FANCI: variants seen among roughly 807,000 people sequenced by gnomAD.
The protein encoded by FANCI is FA complementation group I.
A neutral mutation model predicts 176.1 loss-of-function variants in FANCI; 156 were observed. The observed-to-expected ratio is 0.89, with a 90% CI of 0.78 to 1.01. The LOEUF (loss-of-function observed/expected upper bound fraction) is 1.01. Among genes scored for constraint, FANCI ranks in the 50% least tolerant of loss-of-function variants. The pLI, the probability that FANCI is intolerant of heterozygous loss-of-function variation, is 0.00. For synonymous variants in FANCI, 613 were observed against 541.7 expected (o/e 1.13, Z -1.83); for missense variants, 1,678 against 1,534.1 (o/e 1.09, Z -1.57).
In FANCI at chr15:89,263,426, C is replaced by A; in HGVS notation, c.511C>A (p.Gln171Lys). Residue 171 changes from glutamine (Q) to lysine (K), a missense_variant, in exon 7 of 38, where the codon CAG becomes AAG. Around this residue, in one of 3 missense-constraint regions of FANCI, gnomAD observed 469 missense variants for 436.9 expected, o/e 1.07. Coordinates refer to ENST00000310775, the MANE Select transcript of FANCI (RefSeq NM_001113378.2). ...GTCATTTTCTTCTACCAGGTGGGAT[C>A]AGCAATATGTAATCCAACTCACCTC... Reference protein sequence around the residue: ...INTLCSGRWDQQYVIQLTSMF... With the variant: ...INTLCSGRWDKQYVIQLTSMF... 6.2e-7 allele frequency: 1 copy of A among 1,612,390 alleles called. No individual in the cohort carries two copies. Among genetic ancestry groups the A allele is most frequent in the Non-Finnish European group, 8.5e-7 (1 of 1,178,656 alleles).
chr15:89,274,909 C>G (rs1166350016), intron 12 of FANCI, among the ~76,000 whole-genome samples: 5 of 151,604 alleles, frequency 3.3e-5, no homozygotes, highest in African/African-American at 9.7e-5. Flanking sequence ...CTGGCCGTTT[C>G]TTTTCCTTTT....
intron 18 of FANCI, among the ~76,000 whole-genome samples, chr15:89,287,597 G>A (rs114710152): frequency 2.1e-4 from 32 of 152,326 alleles, no homozygotes; most frequent in African/African-American, 7.7e-4. Flanking sequence ...GGTGCAAGAA[G>A]CCTAGCTTTT....
intron 34 of FANCI, among the ~76,000 whole-genome samples, chr15:89,311,995 C>G (rs1238767946): frequency 2.0e-5 from 3 of 152,182 alleles, no homozygotes; most frequent in Non-Finnish European, 4.4e-5. Flanking sequence ...TTATTCATCC[C>G]TCTCCAGGAG....
intron 34 of FANCI, among the ~76,000 whole-genome samples, chr15:89,310,968 C>CA (rs776080452): frequency 6.6e-6 from 1 of 151,860 alleles, no homozygotes; most frequent in Non-Finnish European, 1.5e-5. Flanking sequence ...ACTAAAGATA[C>CA]AAAAAATAGC....
Position 89,281,150 on chromosome 15 carries a change from T to G in FANCI, c.1382-20T>G, listed in dbSNP as rs925302357. ...ATCTTTAGTTATTTGAGACAACTGA[T>G]TATAGATTCTGTTTTTCAGACCTGC... On this transcript the variant is annotated intron_variant, in intron 14 of 37. Transcript: ENST00000310775. The G allele has an allele frequency of 1.9e-6, 3 of 1,611,836 alleles. No individual in the cohort carries two copies. The South Asian group carries it at 3.3e-5, about 18-fold the overall frequency.
At chr15:89,275,228 A>G (rs953756490) in intron 12 of FANCI, among the ~76,000 whole-genome samples, 1 of 151,148 alleles carries the variant, frequency 6.6e-6, no homozygotes. Context: ...ACTGCATCTG[A>G]CTCATGGCCT....
Position 89,305,116 on chromosome 15 carries a change from G to T in FANCI, c.3060G>T (p.Glu1020Asp). 6.2e-7 allele frequency: 1 copy of T among 1,614,126 alleles called. No homozygotes were observed. Among genetic ancestry groups the T allele is most frequent in the Non-Finnish European group, 8.5e-7 (1 of 1,180,018 alleles). ...ATTTGCTTTTCTTCCTATTCCTAGAGGATGCCTTGTTTTGCAAGAGCTTGA... is the reference window on the plus strand; with the variant it reads ...ATTTGCTTTTCTTCCTATTCCTAGATGATGCCTTGTTTTGCAAGAGCTTGA... ...TSKICKENSR[E>D]DALFCKSLMN... Residue 1020 changes from glutamate (E) to aspartate (D), a missense_variant and splice_region_variant, in exon 29 of 38, where the codon GAG (glutamate) becomes GAT (aspartate). By Grantham distance (45) the Glu-to-Asp change is conservative. Transcript: ENST00000310775.
At chr15:89,258,292 T>C (rs2052580621) in intron 2 of FANCI, among the ~76,000 whole-genome samples, 1 of 152,198 alleles carries the variant, frequency 6.6e-6, no homozygotes, top group African/African-American at 2.4e-5. Flanking sequence ...TCACTTATTG[T>C]CTATCTCAGC....
At chr15:89,288,635 T>TA (rs1555447175) in intron 18 of FANCI, among the ~76,000 whole-genome samples, 2 of 151,136 alleles carry the variant, frequency 1.3e-5, no homozygotes, top group East Asian at 1.9e-4. Context: ...TTTTTTTTTT[T>TA]AAGAGACAGA....
In FANCI at chr15:89,305,707, A is replaced by G; in HGVS notation, c.3349+9A>G. On this transcript the variant is annotated intron_variant, in intron 31 of 37. Transcript: ENST00000310775. ...CCAAGAAACCTTATCAGGTAAGATA[A>G]GTTCAACTGGGATTCCAGGAATTGA... 1 of 1,613,268 alleles carries G rather than the reference A, an allele frequency of 6.2e-7. No individual in the cohort carries two copies. Among genetic ancestry groups the G allele is most frequent in the Non-Finnish European group, 8.5e-7 (1 of 1,179,146 alleles).
intron 27 of FANCI, among the ~76,000 whole-genome samples, chr15:89,302,775 G>A (rs1233253704): frequency 2.6e-5 from 4 of 152,028 alleles, no homozygotes; most frequent in Non-Finnish European, 5.9e-5. Context: ...GGGTTTCACC[G>A]TGTTAGCCAG....
intron 10 of FANCI, among the ~76,000 whole-genome samples, chr15:89,270,039 G>A (rs2053139183): frequency 6.6e-6 from 1 of 152,076 alleles, no homozygotes; most frequent in African/African-American, 2.4e-5. Flanking sequence ...TTCAACTCCT[G>A]GCCTCAAGTG....
At chr15:89,292,607 A>G (rs1319704459) in intron 20 of FANCI, 81 bp from the exon 21 acceptor site, 3 of 1,364,864 alleles carry the variant, frequency 2.2e-6, no homozygotes, top group Non-Finnish European at 2.1e-6. Context: ...TATAGATAAG[A>G]ATTATTTGCT....
chr15:89,257,738 T>C (rs189742182), intron 2 of FANCI, among the ~76,000 whole-genome samples: 1 of 152,268 alleles, frequency 6.6e-6, no homozygotes, highest in Non-Finnish European at 1.5e-5. Context: ...TTTGGGGTTG[T>C]GGGGAGGACA....
At position 89,274,155 on chromosome 15, in the gene FANCI, A is replaced by C. The variant is rs145864790; in HGVS notation, c.976-13A>C. ...ATTTATTTTTTCATTTATTTTTATT[A>C]ACTATACTCAAGGTGCTTGATCTTT... On this transcript the variant is annotated splice_polypyrimidine_tract_variant and intron_variant, in intron 11 of 37. Transcript: ENST00000310775. 3.9e-6 allele frequency: 6 copies of C among 1,525,982 alleles called. No homozygotes were observed. Among genetic ancestry groups the C allele is most frequent in the Non-Finnish European group, 4.4e-6 (5 of 1,128,940 alleles). 94.5% of individuals were successfully genotyped at this position (1,525,982 alleles called of 1,614,324 possible).
intron 14 of FANCI, among the ~76,000 whole-genome samples, chr15:89,279,823 C>T (rs1278192577): frequency 6.6e-6 from 1 of 152,070 alleles, no homozygotes; most frequent in Admixed American, 6.5e-5. Flanking sequence ...CCTCCTCCTC[C>T]CAACCTCACA....
chr15:89,278,256 C>A (rs775416542), intron 13 of FANCI, among the ~76,000 whole-genome samples: 1 of 152,192 alleles, frequency 6.6e-6, no homozygotes, highest in African/African-American at 2.4e-5. Flanking sequence ...TTAACAGCAA[C>A]TGCTGTGCTT....
intron 16 of FANCI, chr15:89,282,875 C>G (rs2053668778): frequency 4.4e-6 from 2 of 458,650 alleles, no homozygotes; most frequent in Admixed American, 3.4e-5. Context: ...CTTCTTATTC[C>G]TCACATAGAC....
In FANCI at chr15:89,317,000, G is replaced by A; in HGVS notation, c.*541G>A. On this transcript the variant is annotated 3_prime_UTR_variant, in exon 38 of 38. Coordinates refer to ENST00000310775, the MANE Select transcript of FANCI (RefSeq NM_001113378.2). ...GGGTCTGTTTTCTTTTTATATAAGT[G>A]TGTCTTAGATATATTTTAAATAGAA... The A allele has an allele frequency of 1.5e-6, 1 of 645,748 alleles. No individual in the cohort carries two copies. The highest frequency in any genetic ancestry group is 2.8e-6 in the Non-Finnish European group (1 of 360,786). The allele number at this position is 645,748 out of a possible 1,614,324, so 40.0% of individuals were successfully genotyped here.
Sources: gnomAD v4.1 joint callset for allele counts (sites outside exome capture counted in the v4.1 genomes callset) on GRCh38, gnomAD v4.1.1 for gene constraint, gnomAD v4.1.1 regional missense constraint, MANE v1.5 for transcripts, NCBI Gene and HGNC (gene_info 2026-07-23, HGNC 2026-07-21) for gene names.